Variants in SLC16A7 observed in about 807,000 individuals in gnomAD.
The protein encoded by SLC16A7 is solute carrier family 16 member 7.
A neutral mutation model predicts 34.9 loss-of-function variants in SLC16A7; 33 were observed. The observed-to-expected ratio is 0.94, with a 90% CI of 0.72 to 1.26. The LOEUF is 1.26. SLC16A7 is among the 50% of genes most tolerant of loss of function. The probability of loss-of-function intolerance (pLI) is 0.00; values close to 1 mark genes in which losing one functional copy is unlikely to be tolerated. For missense variants in SLC16A7, 573 were observed against 578.1 expected (o/e 0.99, Z 0.09); for synonymous variants, 201 against 206.6 (o/e 0.97, Z 0.23).
At chr12:59,768,925 G>A (rs765258805) in intron 3 of SLC16A7, 1 of 152,206 alleles carries the variant, frequency 6.6e-6, no homozygotes, top group African/African-American at 2.4e-5. Context: ...TCGAGTCTAG[G>A]GGGTCAAGGC....
At chr12:59,754,893 A>G (rs1191954526) in intron 3 of SLC16A7, among the ~76,000 whole-genome samples, 3 of 152,204 alleles carry the variant, frequency 2.0e-5, no homozygotes, top group African/African-American at 7.2e-5. Context: ...CCAGCACATC[A>G]AAAAGTTTAT....
rs1883590096 is a variant in SLC16A7, at chr12:59,786,007, G to A, written c.*6328G>A. 2.1e-5 allele frequency: 3 copies of A among 144,828 alleles called. No individual in the cohort carries two copies. In the Admixed American group the frequency reaches 2.1e-4, roughly 10 times the overall value. 9.0% of individuals were successfully genotyped at this position (144,828 alleles called of 1,614,324 possible). A position where few individuals can be genotyped will look rare whatever the true frequency, so the allele number is the denominator to read the frequency against. On this transcript the variant is annotated 3_prime_UTR_variant, in exon 6 of 6. Transcript: ENST00000547379. ...CAATGAGAACACATGGACACAGGAA[G>A]GGGAACATCACACTCTGGGGACTGT...
At chr12:59,692,113 G>A (rs77920588) in intron 2 of SLC16A7, among the ~76,000 whole-genome samples, 2,618 of 152,052 alleles carry the variant, frequency 0.017, 78 homozygotes, top group African/African-American at 0.059. Context: ...GCTTCTGGTG[G>A]CAGTTGGCAT....
chr12:59,677,843 C>G (rs1218905959), intron 2 of SLC16A7, among the ~76,000 whole-genome samples: 1 of 152,194 alleles, frequency 6.6e-6, no homozygotes, highest in African/African-American at 2.4e-5. Flanking sequence ...GCCATGGTGT[C>G]TCTTACTTCC....
At chr12:59,740,015 G>A (rs1386559772) in intron 3 of SLC16A7, among the ~76,000 whole-genome samples, 1 of 151,664 alleles carries the variant, frequency 6.6e-6, no homozygotes, top group African/African-American at 2.4e-5. Context: ...TCTGATGGTA[G>A]TTTCTTTTGC....
chr12:59,689,108 T>C (rs979234952), intron 2 of SLC16A7, among the ~76,000 whole-genome samples: 1 of 152,034 alleles, frequency 6.6e-6, no homozygotes, highest in African/African-American at 2.4e-5. Context: ...AACTAAAAAT[T>C]ATATAATAAA....
rs113266093 is a variant in SLC16A7 at position 59,671,690 on chromosome 12, A to G, written c.-31+16440A>G. Reference sequence around the variant, plus strand: ...TCTCTCTCTCTCTCTATATATATATATGTGTGTGTGTGTATATATATATGT... The same window carrying G: ...TCTCTCTCTCTCTCTATATATATATGTGTGTGTGTGTGTATATATATATGT... On this transcript the variant is annotated intron_variant, in intron 2 of 5. Transcript: ENST00000547379. Among the ~76,000 whole-genome samples the G allele has an allele frequency of 6.7e-3, 874 of 130,530 alleles. 10 individuals carry two copies. The highest frequency in any genetic ancestry group is 6.6e-3 in the Non-Finnish European group (408 of 61,372). The allele number at this position is 130,530 out of a possible 152,430, so 85.6% of individuals were successfully genotyped here.
chr12:59,672,565 C>A (rs1276294160), intron 2 of SLC16A7, among the ~76,000 whole-genome samples: 1 of 151,870 alleles, frequency 6.6e-6, no homozygotes, highest in Non-Finnish European at 1.5e-5. Flanking sequence ...TGTTTCTGGG[C>A]AATGGAGATG....
chr12:59,774,956 A>G lies in SLC16A7; in HGVS notation c.661A>G (p.Lys221Glu), dbSNP rs150977359. ...TGKTEDDSSP[K>E]KIKTKKSTWE... Reference sequence around the variant, plus strand: ...CAAAACAGAAGATGATTCAAGCCCAAAGAAAATCAAAACGAAGAAATCAAC... The same window carrying G: ...CAAAACAGAAGATGATTCAAGCCCAGAGAAAATCAAAACGAAGAAATCAAC... The change falls in exon 5 of 6, where the codon AAG becomes GAG. Residue 221 changes from lysine to glutamate, a missense_variant. Physicochemically the swap from Lys to Glu is moderately conservative, Grantham distance 56. Coordinates refer to ENST00000547379, the MANE Select transcript of SLC16A7 (RefSeq NM_001270623.2). The G allele has an allele frequency of 1.7e-5, 27 of 1,613,980 alleles. No individual in the cohort carries two copies. The African/African-American group carries it at 2.3e-4, about 14-fold the overall frequency.
At chr12:59,629,329 A>G (rs913068021) in intron 1 of SLC16A7, among the ~76,000 whole-genome samples, 7 of 151,914 alleles carry the variant, frequency 4.6e-5, no homozygotes, top group African/African-American at 1.7e-4. Flanking sequence ...AATTTCTGCC[A>G]TATACAGTGG....
chr12:59,755,898 C>G (rs947176404), intron 3 of SLC16A7, among the ~76,000 whole-genome samples: 2 of 152,094 alleles, frequency 1.3e-5, no homozygotes, highest in Non-Finnish European at 2.9e-5. Context: ...GGTACTGGTA[C>G]CAAAACAGAG....
At chr12:59,644,989 A>C (rs1396300087) in intron 1 of SLC16A7, among the ~76,000 whole-genome samples, 1 of 152,224 alleles carries the variant, frequency 6.6e-6, no homozygotes, top group Non-Finnish European at 1.5e-5. Flanking sequence ...ATCATTTATC[A>C]ACTTTAAACA....
At chr12:59,696,558 C>T (rs1872318364) in intron 2 of SLC16A7, 1 of 151,992 alleles carries the variant, frequency 6.6e-6, no homozygotes, top group Non-Finnish European at 1.5e-5. Flanking sequence ...TTTTTCTTGG[C>T]TGTGCTTACA....
rs138337268 is a variant in SLC16A7, at chr12:59,787,548, A to G, written c.*7869A>G. Reference sequence around the variant, plus strand: ...GAGAACAAACAAAAATCACACCTAAATTAAAGATCTGTGGTGAAGGGGAAG... The same window carrying G: ...GAGAACAAACAAAAATCACACCTAAGTTAAAGATCTGTGGTGAAGGGGAAG... On this transcript the variant is annotated 3_prime_UTR_variant, in exon 6 of 6. Transcript: ENST00000547379. The G allele has an allele frequency of 9.7e-4, 147 of 152,294 alleles. 2 individuals are homozygous for G. Among genetic ancestry groups the G allele is most frequent in the African/African-American group, 3.4e-3 (143 of 41,556 alleles). 9.4% of individuals were successfully genotyped at this position (152,294 alleles called of 1,614,324 possible).
rs189514190 is a variant in SLC16A7, at chr12:59,704,788, C to T, written c.-14C>T. On this transcript the variant is annotated 5_prime_UTR_variant, in exon 3 of 6. Transcript: ENST00000547379. ...TTAATATAGGTTACTTGAATTTCCA[C>T]TAGAGGAGCAGAAATGCCACCAATG... The T allele has an allele frequency of 2.6e-4, 408 of 1,590,720 alleles. 1 individual carries two copies. The African/African-American group carries it at 4.8e-3, about 19-fold the overall frequency.
chr12:59,735,776 A>G (rs1877517672), intron 3 of SLC16A7, among the ~76,000 whole-genome samples: 1 of 152,126 alleles, frequency 6.6e-6, no homozygotes, highest in South Asian at 2.1e-4. Flanking sequence ...CACTTTATTA[A>G]TATATATTTA....
intron 2 of SLC16A7, among the ~76,000 whole-genome samples, chr12:59,693,914 C>T (rs1315906613): frequency 3.3e-5 from 5 of 151,836 alleles, no homozygotes; most frequent in Non-Finnish European, 1.5e-5. Context: ...AGACATTATA[C>T]TTAAAAAAGT....
intron 3 of SLC16A7, among the ~76,000 whole-genome samples, chr12:59,738,553 T>A (rs1877877970): frequency 6.6e-6 from 1 of 152,186 alleles, no homozygotes; most frequent in African/African-American, 2.4e-5. Flanking sequence ...TTCCAAAATA[T>A]AAAGTATTTT....
chr12:59,680,180 G>C (rs992184089), intron 2 of SLC16A7, among the ~76,000 whole-genome samples: 1 of 152,146 alleles, frequency 6.6e-6, no homozygotes, highest in Non-Finnish European at 1.5e-5. Context: ...GCAAAGGACA[G>C]GAAAAGTGGA....
Sources: allele counts gnomAD v4.1 joint callset (sites outside exome capture counted in the v4.1 genomes callset), GRCh38; gene constraint gnomAD v4.1.1; transcripts MANE v1.5; gene names NCBI Gene and HGNC (gene_info 2026-07-23, HGNC 2026-07-21).